OTOG: variants seen among roughly 807,000 people sequenced by gnomAD.
OTOG encodes the protein otogelin.
In OTOG, 296 loss-of-function variants were observed where a neutral mutation model predicts 313.8. The ratio of observed to expected loss-of-function variants is 0.94; its 90% CI spans 0.86 to 1.04. The LOEUF (loss-of-function observed/expected upper bound fraction) is 1.04. OTOG is among the 50% of genes least tolerant of loss of function. OTOG has a pLI of 0.00. For synonymous variants in OTOG, 1,533 were observed against 1,554.9 expected, an observed-to-expected ratio of 0.99 and a Z score of 0.33; for missense variants, 3,948 against 3,840.1, an observed-to-expected ratio of 1.03 and a Z score of -0.74.
intron 20 of OTOG, 48 bp downstream of exon 20, chr11:17,574,960 G>A (rs1449901147): frequency 7.0e-7 from 1 of 1,433,324 alleles, no homozygotes; most frequent in Non-Finnish European, 9.2e-7. Flanking sequence ...GGTGAGGCCA[G>A]GGGTCTCCAG....
intron 23 of OTOG, among the ~76,000 whole-genome samples, chr11:17,583,357 G>C (rs1014702240): frequency 1.3e-5 from 2 of 152,022 alleles, no homozygotes; most frequent in Non-Finnish European, 2.9e-5. Flanking sequence ...GGCTGATCTT[G>C]AACTCCTGGC....
intron 39 of OTOG, among the ~76,000 whole-genome samples, chr11:17,626,010 T>G (rs978258099): frequency 6.6e-6 from 1 of 151,914 alleles, no homozygotes; most frequent in Non-Finnish European, 1.5e-5. Flanking sequence ...GTTTTATTCT[T>G]CTGCATACAG....
At chr11:17,599,619 T>A in intron 30 of OTOG, 52 bp from the exon 31 acceptor site, 1 of 1,545,210 alleles carries the variant, frequency 6.5e-7, no homozygotes, top group Non-Finnish European at 8.8e-7. Flanking sequence ...TCTGTCTGTC[T>A]GTTCCAGGCT....
At chr11:17,579,857 G>C (rs1191204791) in intron 23 of OTOG, among the ~76,000 whole-genome samples, 1 of 152,170 alleles carries the variant, frequency 6.6e-6, no homozygotes, top group Non-Finnish European at 1.5e-5. Flanking sequence ...GGGAGACCGG[G>C]CTCTGGGCTC....
At chr11:17,635,512 A>G (rs1167749766) in intron 46 of OTOG, 98 bp from the exon 47 acceptor site, 18 of 892,310 alleles carry the variant, frequency 2.0e-5, no homozygotes, top group African/African-American at 3.3e-5. Context: ...CTCCTGCCAC[A>G]CCTGGGTTGT....
chr11:17,560,003 C>T lies in OTOG; in HGVS notation c.1342+341C>T, dbSNP rs760370548. Among the ~76,000 whole-genome samples the T allele has an allele frequency of 3.9e-5, 6 of 152,316 alleles. 1 individual carries two copies. In the South Asian group the frequency reaches 1.2e-3, roughly 32 times the overall value. ...AAGGGAAGTGAGGGTGAGGACAGAA[C>T]TGCAGCCTCTCGAGAGATTCATCAG... On this transcript the variant is annotated intron_variant, in intron 12 of 55. Transcript: ENST00000399397.
chr11:17,635,137 T>C lies in OTOG; in HGVS notation c.7643T>C (p.Ile2548Thr). The C allele has an allele frequency of 6.5e-7, 1 of 1,548,570 alleles. No individual in the cohort carries two copies. ...ELVPSCRQDQ[I>T]LITGRLGDSC... Reference sequence around the variant, plus strand: ...GTCCCCAGCTGCCGACAGGACCAGATCCTGATCACGGGCCGCCTGGGGGAC... The same window carrying C: ...GTCCCCAGCTGCCGACAGGACCAGACCCTGATCACGGGCCGCCTGGGGGAC... Residue 2548 changes from isoleucine to threonine, a missense_variant, in exon 46 of 56, where the codon ATC becomes ACC. Ile to Thr is a moderately conservative substitution (Grantham distance 89, BLOSUM62 -1). Coordinates refer to ENST00000399397, the MANE Select transcript of OTOG (RefSeq NM_001292063.2).
chr11:17,612,014 TG>T, intron 36 of OTOG, 147 bp from the exon 37 acceptor site: 2 of 941,410 alleles, frequency 2.1e-6, no homozygotes, highest in Non-Finnish European at 3.2e-6. Flanking sequence ...ACATGGCTTG[TG>T]GTGGGTAGGG....
chr11:17,619,928 G>C (rs1396113795), intron 39 of OTOG, among the ~76,000 whole-genome samples: 1 of 152,084 alleles, frequency 6.6e-6, no homozygotes, highest in South Asian at 2.1e-4. Context: ...ATGTAGTACA[G>C]ATCTACTGGT....
Position 17,558,181 on chromosome 11 carries a change from C to T in OTOG, c.866-4C>T. 1 of 1,550,516 alleles carries T rather than the reference C, an allele frequency of 6.4e-7. No homozygotes were observed. Among genetic ancestry groups the T allele is most frequent in the Admixed American group, 2.0e-5 (1 of 51,004 alleles). ...CCCATCATGATGTCAGCTCCCTCCT[C>T]CAGGGAAGCTGACTGACGACGTGGT... On this transcript the variant is annotated splice_polypyrimidine_tract_variant and splice_region_variant and intron_variant, in intron 8 of 55. Coordinates refer to ENST00000399397, the MANE Select transcript of OTOG (RefSeq NM_001292063.2).
chr11:17,632,988 T>C (rs759499398), intron 42 of OTOG, among the ~76,000 whole-genome samples: 3 of 152,156 alleles, frequency 2.0e-5, no homozygotes, highest in Non-Finnish European at 4.4e-5. Context: ...AAAATACCAG[T>C]GTGTATTGCT....
At chr11:17,601,920 A>G (rs898905945) in intron 31 of OTOG, among the ~76,000 whole-genome samples, 6 of 152,242 alleles carry the variant, frequency 3.9e-5, no homozygotes, top group African/African-American at 1.4e-4. Context: ...GTGGAGAGAC[A>G]ATGGGGGGCC....
intron 24 of OTOG, among the ~76,000 whole-genome samples, 186 bp from the exon 25 acceptor site, chr11:17,591,264 G>A (rs1369383005): frequency 6.6e-6 from 1 of 152,194 alleles, no homozygotes; most frequent in Non-Finnish European, 1.5e-5. Context: ...TAACCTCTCT[G>A]AGCCCCTGTG....
At chr11:17,631,393 G>T (rs1028568614) in intron 40 of OTOG, among the ~76,000 whole-genome samples, 7 of 146,966 alleles carry the variant, frequency 4.8e-5, no homozygotes, top group African/African-American at 1.6e-4. Context: ...TGTGTGTGGG[G>T]GGGGGTATAC....
rs1427007839 is a variant in OTOG at position 17,612,695 on chromosome 11, T to C, written c.6368T>C (p.Ile2123Thr). The C allele has an allele frequency of 6.4e-7, 1 of 1,550,472 alleles. No homozygotes were observed. Among genetic ancestry groups the C allele is most frequent in the Non-Finnish European group, 8.7e-7 (1 of 1,146,976 alleles). Reference sequence around the variant, plus strand: ...CACGTAGCTCTGTTCAAGGAGGCCATCTACATCCTCAGCCAGAGCCCAGAT... The same window carrying C: ...CACGTAGCTCTGTTCAAGGAGGCCACCTACATCCTCAGCCAGAGCCCAGAT... Reference protein sequence around the residue: ...GSHVALFKEAIYILSQSPDEM... With the variant: ...GSHVALFKEATYILSQSPDEM... Residue 2123 changes from isoleucine to threonine, a missense_variant, in exon 38 of 56, where the codon ATC becomes ACC. Coordinates refer to ENST00000399397, the MANE Select transcript of OTOG (RefSeq NM_001292063.2).
At chr11:17,565,018 CCTGT>C (rs1313064134) in intron 15 of OTOG, among the ~76,000 whole-genome samples, 2 of 152,156 alleles carry the variant, frequency 1.3e-5, no homozygotes, top group Non-Finnish European at 2.9e-5. Context: ...ACCTAGAGTT[CCTGT>C]CTATCTTACG....
intron 39 of OTOG, among the ~76,000 whole-genome samples, chr11:17,627,219 A>G (rs1220582850): frequency 6.6e-6 from 1 of 152,022 alleles, no homozygotes; most frequent in Admixed American, 6.6e-5. Flanking sequence ...AAGGCTTTTC[A>G]TTTTCCCCCA....
chr11:17,633,808 G>T lies in OTOG; in HGVS notation c.7201G>T (p.Val2401Phe), dbSNP rs1338274637. ...CTGCCAGGTGCTGGGCGAGGGCTGC[G>T]TCTGCTCCGAGGGCACCATCTTACA... ...EHCQVLGEGCVCSEGTILHRR... is the reference protein window; with the variant it reads ...EHCQVLGEGCFCSEGTILHRR... The change falls in exon 43 of 56, where the codon GTC becomes TTC. Residue 2401 changes from valine (V) to phenylalanine (F), a missense_variant. Val to Phe is a conservative substitution (Grantham distance 50). Transcript: ENST00000399397. 3 of 1,550,222 alleles carry T rather than the reference G, an allele frequency of 1.9e-6. No homozygotes were observed. Among genetic ancestry groups the T allele is most frequent in the South Asian group, 1.2e-5 (1 of 84,052 alleles).
Position 17,596,992 on chromosome 11 carries a change from A to G in OTOG, c.3667A>G (p.Thr1223Ala). 1 of 1,536,146 alleles carries G rather than the reference A, an allele frequency of 6.5e-7. No homozygotes were observed. The highest frequency in any genetic ancestry group is 8.8e-7 in the Non-Finnish European group (1 of 1,141,668). The stretch of plus-strand genomic sequence containing the variant: ...GCATGGGGTGGCTGTTGACTGGCGA[A>G]CCCCCCGCCTCTGCCGTGAGTGTCC... ...CQHGVAVDWR[T>A]PRLCPYDCDF... is the part of the protein sequence containing the mutation. Residue 1223 changes from threonine to alanine, a missense_variant, in exon 30 of 56, where the codon ACC becomes GCC. Thr to Ala is a moderately conservative substitution (Grantham distance 58). Coordinates refer to ENST00000399397, the MANE Select transcript of OTOG (RefSeq NM_001292063.2).
Sources: gnomAD v4.1 joint callset for allele counts (sites outside exome capture counted in the v4.1 genomes callset) on GRCh38, gnomAD v4.1.1 for gene constraint, MANE v1.5 for transcripts, NCBI Gene and HGNC (gene_info 2026-07-23, HGNC 2026-07-21) for gene names.